The following TPR variants were observed in gnomAD, a reference collection of about 807,000 sequenced individuals.
The protein encoded by TPR is translocated promoter region, nuclear basket protein, also known as nucleoprotein TPR.
In TPR, 51 loss-of-function variants were observed where a neutral mutation model predicts 316.1. The ratio of observed to expected loss-of-function variants is 0.16; its 90% CI spans 0.13 to 0.20. The LOEUF (loss-of-function observed/expected upper bound fraction) is 0.20, where lower values mean the gene tolerates loss of function less well. TPR is among the 10% of genes least tolerant of loss of function. The probability of loss-of-function intolerance (pLI) is 1.00; values close to 1 mark genes in which losing one functional copy is unlikely to be tolerated. For synonymous variants in TPR, 981 were observed against 914.7 expected (o/e 1.07, Z -1.31); for missense variants, 2,272 against 2,754.8 (o/e 0.82, Z 3.92).
chr1:186,333,820 A>T (rs1658253552), intron 36 of TPR, among the ~76,000 whole-genome samples: 1 of 152,172 alleles, frequency 6.6e-6, no homozygotes, highest in Non-Finnish European at 1.5e-5. Context: ...TACTTGAATA[A>T]TTTACTGAAT....
chr1:186,372,546 A>C (rs1352170113), intron 2 of TPR, among the ~76,000 whole-genome samples: 3 of 152,146 alleles, frequency 2.0e-5, no homozygotes, highest in Non-Finnish European at 4.4e-5. Flanking sequence ...TGTCTCCAAA[A>C]AAAAAGGAAA....
intron 39 of TPR, among the ~76,000 whole-genome samples, chr1:186,329,551 G>T (rs1214124267): frequency 1.3e-5 from 2 of 152,156 alleles, no homozygotes; most frequent in Non-Finnish European, 2.9e-5. Flanking sequence ...TAATAGTTTT[G>T]TGTATAAAAT....
chr1:186,338,592 A>T (rs927088852), intron 30 of TPR, among the ~76,000 whole-genome samples: 250 of 152,222 alleles, frequency 1.6e-3, no homozygotes, highest in African/African-American at 5.4e-3. Context: ...GTATTGTCAA[A>T]TTTTTTCTGT....
intron 49 of TPR, among the ~76,000 whole-genome samples, chr1:186,315,356 C>T (rs2102046385): frequency 6.6e-6 from 1 of 151,946 alleles, no homozygotes; most frequent in East Asian, 1.9e-4. Context: ...AGAAATACAA[C>T]AGAAAACAAA....
rs1478244816 is a variant in TPR at position 186,313,176 on chromosome 1, G to A, written c.*795C>T. ...TAGTATTTTACTTCTATCATTTGTG[G>A]CATTTAACAGATACCTTGTTTGGCA... On this transcript the variant is annotated 3_prime_UTR_variant, in exon 51 of 51. Coordinates refer to ENST00000367478, the MANE Select transcript of TPR (RefSeq NM_003292.3). 2 of 451,772 alleles carry A rather than the reference G, an allele frequency of 4.4e-6. No homozygotes were observed. The highest frequency in any genetic ancestry group is 8.2e-6 in the Non-Finnish European group (2 of 244,688). 28.0% of individuals were successfully genotyped at this position (451,772 alleles called of 1,614,324 possible). A position where few individuals can be genotyped will look rare whatever the true frequency, so the allele number is the denominator to read the frequency against.
At position 186,350,207 on chromosome 1, in the gene TPR, T is replaced by C. The variant is rs779866517; in HGVS notation, c.2776+16A>G. On this transcript the variant is annotated intron_variant, in intron 21 of 50. Transcript: ENST00000367478. ...TTGTTTATTTACAATTATATTGGTCTACTTATTTTATTTACCTTTACCAGT... is the reference window on the plus strand; with the variant it reads ...TTGTTTATTTACAATTATATTGGTCCACTTATTTTATTTACCTTTACCAGT... 1 of 1,588,220 alleles carries C rather than the reference T, an allele frequency of 6.3e-7. No individual in the cohort carries two copies. Among genetic ancestry groups the C allele is most frequent in the African/African-American group, 1.4e-5 (1 of 73,298 alleles).
chr1:186,342,373 T>G (rs915514383), intron 27 of TPR: 1 of 152,344 alleles, frequency 6.6e-6, no homozygotes, highest in Admixed American at 6.5e-5. Flanking sequence ...GGCGGGCATT[T>G]TCTAGTATTT....
Position 186,341,048 on chromosome 1 carries a change from G to T in TPR, c.4000C>A (p.Arg1334Ser), listed in dbSNP as rs1000617790. The stretch of plus-strand genomic sequence containing the variant: ...TTTACCTGGTTACGTGCTTTCCAAC[G>T]TTTGACATCCTCTTCTAAGAGCTTC... ...EKKLLEEDVK[R>S]WKARNQHLVS... Residue 1334 changes from arginine to serine, a missense_variant, in exon 29 of 51, where the codon CGT becomes AGT. Physicochemically the swap from Arg to Ser is moderately radical, Grantham distance 110. Around this residue, in one of 10 missense-constraint regions of TPR, gnomAD observed 96 missense variants for 134.6 expected, o/e 0.71. Coordinates refer to ENST00000367478, the MANE Select transcript of TPR (RefSeq NM_003292.3). 4 of 1,613,798 alleles carry T rather than the reference G, an allele frequency of 2.5e-6. No homozygotes were observed.
chr1:186,325,501 T>C, intron 42 of TPR: 1 of 287,136 alleles, frequency 3.5e-6, no homozygotes, highest in Non-Finnish European at 6.4e-6. Flanking sequence ...AATGGCAGCA[T>C]ATAGCATTTA....
intron 42 of TPR, among the ~76,000 whole-genome samples, chr1:186,324,544 C>A (rs1657860333): frequency 6.6e-6 from 1 of 152,154 alleles, no homozygotes; most frequent in African/African-American, 2.4e-5. Context: ...GTTTAAAAGT[C>A]TGAGGTCTAG....
chr1:186,349,025 C>T (rs930522926), intron 21 of TPR, among the ~76,000 whole-genome samples: 1 of 152,052 alleles, frequency 6.6e-6, no homozygotes, highest in Non-Finnish European at 1.5e-5. Context: ...CCAGTGGGGT[C>T]ACATCCCGAT....
intron 18 of TPR, among the ~76,000 whole-genome samples, chr1:186,352,318 T>G (rs1919194): frequency 0.089 from 13,610 of 152,196 alleles, 954 homozygotes; most frequent in East Asian, 0.38. Context: ...GAAAAAATCT[T>G]TCAATTACAA....
Position 186,335,137 on chromosome 1 carries a change from G to C in TPR, c.4912-8C>G. The C allele has an allele frequency of 6.2e-7, 1 of 1,606,572 alleles. No individual in the cohort carries two copies. The highest frequency in any genetic ancestry group is 1.3e-5 in the African/African-American group (1 of 74,434). ...TCTCTGCTGTTCAGGGACCTATAAA[G>C]AGAAAGCTCTTGATTGTTGTTCCTA... On this transcript the variant is annotated splice_region_variant and splice_polypyrimidine_tract_variant and intron_variant, in intron 34 of 50. Coordinates refer to ENST00000367478, the MANE Select transcript of TPR (RefSeq NM_003292.3).
At chr1:186,361,436 A>T (rs1186102874) in intron 9 of TPR, among the ~76,000 whole-genome samples, 186 bp downstream of exon 9, 4 of 152,048 alleles carry the variant, frequency 2.6e-5, no homozygotes, top group African/African-American at 9.6e-5. Flanking sequence ...ATTTTCAAAA[A>T]TATATAAACT....
chr1:186,358,739 G>T, intron 12 of TPR, 89 bp from the exon 13 acceptor site: 1 of 994,936 alleles, frequency 1.0e-6, no homozygotes, highest in Non-Finnish European at 1.5e-6. Flanking sequence ...AACACCACCA[G>T]TAATCAACTT....
intron 4 of TPR, among the ~76,000 whole-genome samples, chr1:186,366,813 C>T (rs1379996354): frequency 6.6e-6 from 1 of 151,520 alleles, no homozygotes; most frequent in Non-Finnish European, 1.5e-5. Context: ...TAAAAACCTA[C>T]TCAATATGGA....
chr1:186,370,885 G>T (rs1214385918), intron 3 of TPR, 85 bp downstream of exon 3: 8 of 1,163,176 alleles, frequency 6.9e-6, no homozygotes, highest in Middle Eastern at 2.3e-4. Flanking sequence ...TCTTCCCATT[G>T]ACTAATAACT....
intron 27 of TPR, 65 bp from the exon 28 acceptor site, chr1:186,341,454 T>C: frequency 1.3e-6 from 2 of 1,508,220 alleles, no homozygotes; most frequent in Non-Finnish European, 1.8e-6. Flanking sequence ...CCTGTTCCTA[T>C]GAGCTCAAAT....
At chr1:186,348,963 A>G (rs1658764873) in intron 21 of TPR, among the ~76,000 whole-genome samples, 1 of 152,180 alleles carries the variant, frequency 6.6e-6, no homozygotes, top group Non-Finnish European at 1.5e-5. Flanking sequence ...TATGGATCAG[A>G]TATTTATGGG....
Sources: gnomAD v4.1 joint callset for allele counts (sites outside exome capture counted in the v4.1 genomes callset) on GRCh38, gnomAD v4.1.1 for gene constraint, gnomAD v4.1.1 regional missense constraint, MANE v1.5 for transcripts, NCBI Gene and HGNC (gene_info 2026-07-23, HGNC 2026-07-21) for gene names.